GRM7: variants seen among roughly 807,000 people sequenced by gnomAD.
GRM7 encodes the protein glutamate metabotropic receptor 7, also known as metabotropic glutamate receptor 7.
GRM7 carries 35 observed loss-of-function variants against 84.5 expected under a neutral mutation model. The ratio of observed to expected loss-of-function variants is 0.41; its 90% CI spans 0.32 to 0.55. The LOEUF (loss-of-function observed/expected upper bound fraction) is 0.55. GRM7 is among the 20% of genes least tolerant of loss of function. The pLI, the probability that GRM7 is intolerant of heterozygous loss-of-function variation, is 0.19. For synonymous variants in GRM7, 487 were observed against 455.1 expected, an observed-to-expected ratio of 1.07 and a Z score of -0.89; for missense variants, 1,003 against 1,194.6, an observed-to-expected ratio of 0.84 and a Z score of 2.36.
At chr3:7,514,657 C>T (rs1700315231) in intron 7 of GRM7, among the ~76,000 whole-genome samples, 1 of 152,210 alleles carries the variant, frequency 6.6e-6, no homozygotes, top group African/African-American at 2.4e-5. Context: ...AGCTCATGGG[C>T]ATGGCTCCTT....
intron 1 of GRM7, among the ~76,000 whole-genome samples, chr3:7,079,905 AGT>A (rs1055541811): frequency 1.4e-4 from 21 of 152,126 alleles, no homozygotes; most frequent in Non-Finnish European, 4.4e-5. Context: ...GTGCTCAATA[AGT>A]GTTTGTTCAT....
intron 2 of GRM7, among the ~76,000 whole-genome samples, chr3:7,295,852 G>C (rs931515284): frequency 6.6e-6 from 1 of 151,804 alleles, no homozygotes; most frequent in Non-Finnish European, 1.5e-5. Context: ...TCTGTCATAT[G>C]TAAATAGAAC....
chr3:7,636,223 T>C (rs1477578179), intron 8 of GRM7: 3 of 456,716 alleles, frequency 6.6e-6, no homozygotes, highest in South Asian at 1.5e-5. Flanking sequence ...TCAATTTCTT[T>C]GTAATGTCTT....
chr3:7,165,432 T>C (rs571154918), intron 2 of GRM7, among the ~76,000 whole-genome samples: 36 of 152,376 alleles, frequency 2.4e-4, no homozygotes, highest in African/African-American at 8.7e-4. Context: ...CTATTCACTT[T>C]ACTGTCTGAA....
intron 1 of GRM7, among the ~76,000 whole-genome samples, chr3:7,114,266 G>A (rs146993930): frequency 2.2e-3 from 333 of 152,252 alleles, no homozygotes; most frequent in African/African-American, 7.3e-3. Context: ...GGTTTAATGA[G>A]CAATGAGGTT....
intron 4 of GRM7, among the ~76,000 whole-genome samples, chr3:7,332,621 G>A (rs768758687): frequency 1.3e-5 from 2 of 152,154 alleles, no homozygotes; most frequent in Non-Finnish European, 2.9e-5. Context: ...ATAAGAGATA[G>A]GAGTAACATG....
At chr3:7,248,243 T>C (rs182715520) in intron 2 of GRM7, among the ~76,000 whole-genome samples, 7 of 152,280 alleles carry the variant, frequency 4.6e-5, no homozygotes, top group Admixed American at 2.0e-4. Context: ...GGAAGGCTAA[T>C]AAGATTGTGC....
chr3:6,891,394 T>C (rs1485859911), intron 1 of GRM7, among the ~76,000 whole-genome samples: 1 of 152,206 alleles, frequency 6.6e-6, no homozygotes, highest in Non-Finnish European at 1.5e-5. Flanking sequence ...CCGCGTTTAG[T>C]GCTTCCTTCA....
intron 2 of GRM7, among the ~76,000 whole-genome samples, chr3:7,193,627 T>C (rs1400731026): frequency 6.6e-6 from 1 of 152,026 alleles, no homozygotes; most frequent in Non-Finnish European, 1.5e-5. Flanking sequence ...AGATGTTTCA[T>C]GATATACTCA....
intron 8 of GRM7, among the ~76,000 whole-genome samples, chr3:7,656,521 AAAT>A (rs749345248): frequency 0.014 from 1,243 of 86,716 alleles, 15 homozygotes; most frequent in Non-Finnish European, 0.019. Context: ...AAATAAAAAA[AAAT>A]ATATATATAT....
chr3:7,440,700 G>C (rs185403989), intron 5 of GRM7, among the ~76,000 whole-genome samples: 2 of 152,234 alleles, frequency 1.3e-5, no homozygotes, highest in Non-Finnish European at 2.9e-5. Context: ...TTGTGTCTAT[G>C]TGTGCTCAAT....
At chr3:7,345,226 A>G (rs1692836652) in intron 4 of GRM7, among the ~76,000 whole-genome samples, 1 of 152,006 alleles carries the variant, frequency 6.6e-6, no homozygotes, top group Non-Finnish European at 1.5e-5. Flanking sequence ...GTTGTTTATA[A>G]AATAATGTTA....
chr3:7,232,489 C>A (rs1052762721), intron 2 of GRM7, among the ~76,000 whole-genome samples: 1 of 151,996 alleles, frequency 6.6e-6, no homozygotes, highest in Non-Finnish European at 1.5e-5. Flanking sequence ...AGGAAATGGG[C>A]TGAAGTATCA....
rs576888861 is a variant in GRM7, at chr3:7,221,955, C to T, written c.736+75287C>T. On this transcript the variant is annotated intron_variant, in intron 2 of 9. Coordinates refer to ENST00000357716, the MANE Select transcript of GRM7 (RefSeq NM_000844.4). ...CCAAGTAGCTGGGATTATAGGCACC[C>T]GCTACCACACCTGGCTAATCTTTTT... Among the ~76,000 whole-genome samples the T allele has an allele frequency of 1.6e-4, 25 of 151,724 alleles. No individual in the cohort carries two copies. In the East Asian group the frequency reaches 4.1e-3, roughly 25 times the overall value.
intron 1 of GRM7, among the ~76,000 whole-genome samples, chr3:7,076,600 T>C (rs62235992): frequency 0.043 from 6,501 of 152,198 alleles, 200 homozygotes; most frequent in Middle Eastern, 0.079. Context: ...AATTACCCAG[T>C]CTTGGGTATC....
chr3:7,101,144 A>G (rs771265731), intron 1 of GRM7, among the ~76,000 whole-genome samples: 3 of 151,740 alleles, frequency 2.0e-5, no homozygotes, highest in Non-Finnish European at 4.4e-5. Context: ...GTCATAGGGT[A>G]GCTTTTATGT....
intron 2 of GRM7, among the ~76,000 whole-genome samples, chr3:7,187,992 T>C (rs567347810): frequency 6.6e-6 from 1 of 152,198 alleles, no homozygotes; most frequent in Admixed American, 6.5e-5. Flanking sequence ...CCAAATAATG[T>C]GATTTAAAAA....
At chr3:7,508,495 C>T (rs1159988866) in intron 7 of GRM7, among the ~76,000 whole-genome samples, 1 of 151,868 alleles carries the variant, frequency 6.6e-6, no homozygotes, top group Admixed American at 6.6e-5. Context: ...ATATATATGT[C>T]ACAATAAAAA....
intron 1 of GRM7, among the ~76,000 whole-genome samples, chr3:6,870,744 A>G (rs1451348705): frequency 6.6e-6 from 1 of 152,116 alleles, no homozygotes; most frequent in Non-Finnish European, 1.5e-5. Context: ...TTCCAGGCAG[A>G]TAGAATGTGG....
Sources: allele counts gnomAD v4.1 joint callset (sites outside exome capture counted in the v4.1 genomes callset), GRCh38; gene constraint gnomAD v4.1.1; transcripts MANE v1.5; gene names NCBI Gene and HGNC (gene_info 2026-07-23, HGNC 2026-07-21).